Variants in ARMC3 observed in about 807,000 individuals in gnomAD.
ARMC3 encodes armadillo repeat containing 3.
In ARMC3, 74 loss-of-function variants were observed where a neutral mutation model predicts 90.3. That is an observed-to-expected ratio of 0.82 (90% CI 0.68 to 0.99). The LOEUF (loss-of-function observed/expected upper bound fraction) is 0.99. Among genes scored for constraint, ARMC3 ranks in the 50% least tolerant of loss-of-function variants. The pLI is 0.00. For synonymous variants in ARMC3, 334 were observed against 361.8 expected (o/e 0.92, Z 0.87); for missense variants, 958 against 1,042.8 (o/e 0.92, Z 1.12).
At position 23,008,353 on chromosome 10, in the gene ARMC3, G is replaced by T. The variant is rs549754305; in HGVS notation, c.1907G>T (p.Arg636Ile). ...ATTTCTTCTTCATCTTCCTTAAGAA[G>T]ATCAAGTAAAGAAAAGAACAAGTAA... ...RSISSSSSLR[R>I]SSKEKNKKNS... Residue 636 changes from arginine (R) to isoleucine (I), a missense_variant, in exon 15 of 19, where the codon AGA (arginine) becomes ATA (isoleucine). Coordinates refer to ENST00000298032, the MANE Select transcript of ARMC3 (RefSeq NM_173081.5). 3 of 1,503,924 alleles carry T rather than the reference G, an allele frequency of 2.0e-6. No individual in the cohort carries two copies. The highest frequency in any genetic ancestry group is 2.7e-6 in the Non-Finnish European group (3 of 1,097,272). The allele number at this position is 1,503,924 out of a possible 1,614,324, so 93.2% of individuals were successfully genotyped here. A position where few individuals can be genotyped will look rare whatever the true frequency, so the allele number is the denominator to read the frequency against.
rs1834518422 is a variant in ARMC3 at position 22,946,152 on chromosome 10, A to G, written c.57A>G (p.Pro19=). 2 of 1,607,174 alleles carry G rather than the reference A, an allele frequency of 1.2e-6. No individual in the cohort carries two copies. The highest frequency in any genetic ancestry group is 2.7e-5 in the African/African-American group (2 of 74,846). The change falls in exon 3 of 19, where the codon CCA becomes CCG. Residue 19 remains proline, a synonymous_variant. Transcript: ENST00000298032. ...VEPPPKDVFD[P]LMIESKKAAT... ...TTCTTTCTGCCTTTCAGTTTGACCC[A>G]TTAATGATTGAAAGCAAAAAAGCAG...
At position 23,030,611 on chromosome 10, in the gene ARMC3, A is replaced by T. The variant is rs1335338261; in HGVS notation, c.2061A>T (p.Lys687Asn). ...ACTTTCAAAGGAAAAGCAAAGGAAA[A>T]AAAGAAGAGGAAAAAGTGAAAGAGG... ...KEKGWRKSKG[K>N]KEEEKVKEEE... is the part of the protein sequence containing the mutation. Residue 687 changes from lysine (K) to asparagine (N), a missense_variant, in exon 17 of 19, where the codon AAA (lysine) becomes AAT (asparagine). By Grantham distance (94) the Lys-to-Asn change is moderately conservative. Coordinates refer to ENST00000298032, the MANE Select transcript of ARMC3 (RefSeq NM_173081.5). The T allele has an allele frequency of 6.2e-7, 1 of 1,612,866 alleles. No individual in the cohort carries two copies. The highest frequency in any genetic ancestry group is 2.2e-5 in the East Asian group (1 of 44,764).
intron 8 of ARMC3, among the ~76,000 whole-genome samples, chr10:22,975,708 G>C (rs954652797): frequency 1.3e-5 from 2 of 152,098 alleles, no homozygotes; most frequent in African/African-American, 4.8e-5. Flanking sequence ...GCCGAAATAT[G>C]TCTAAGTCCC....
chr10:22,967,082 G>A (rs781454408), intron 7 of ARMC3, among the ~76,000 whole-genome samples: 38 of 152,128 alleles, frequency 2.5e-4, no homozygotes, highest in Non-Finnish European at 2.1e-4. Flanking sequence ...TAGACCAGTA[G>A]GCTGAAGACC....
chr10:23,019,964 T>A (rs1332698713), intron 16 of ARMC3, among the ~76,000 whole-genome samples: 1 of 152,240 alleles, frequency 6.6e-6, no homozygotes, highest in African/African-American at 2.4e-5. Flanking sequence ...GTTTTGTGTA[T>A]CAGCAGTTTA....
At chr10:23,000,598 A>C (rs529460478) in intron 11 of ARMC3, among the ~76,000 whole-genome samples, 4 of 152,244 alleles carry the variant, frequency 2.6e-5, no homozygotes, top group Non-Finnish European at 5.9e-5. Context: ...TAAATGGAGG[A>C]ATTAATGAAT....
chr10:22,970,123 T>C (rs185765036), intron 8 of ARMC3, among the ~76,000 whole-genome samples: 178 of 152,272 alleles, frequency 1.2e-3, no homozygotes, highest in African/African-American at 4.1e-3. Context: ...TGATTAATGA[T>C]GGAAACACAG....
intron 16 of ARMC3, among the ~76,000 whole-genome samples, chr10:23,029,619 T>G (rs1838843761): frequency 6.6e-6 from 1 of 152,232 alleles, no homozygotes; most frequent in Non-Finnish European, 1.5e-5. Context: ...CATGCCAAAT[T>G]GATTAACATC....
At chr10:22,961,725 T>C (rs1269793359) in intron 6 of ARMC3, 159 bp from the exon 7 acceptor site, 1 of 603,380 alleles carries the variant, frequency 1.7e-6, no homozygotes, top group Non-Finnish European at 2.8e-6. Context: ...ATGTTGTCAA[T>C]TGAAAGATTT....
intron 16 of ARMC3, among the ~76,000 whole-genome samples, chr10:23,026,782 T>C (rs896641491): frequency 7.2e-5 from 11 of 152,204 alleles, no homozygotes; most frequent in African/African-American, 2.7e-4. Flanking sequence ...TGTAGGTTTA[T>C]GCCTCTACTA....
chr10:23,010,265 T>TTCCCATCCCTGTTCTTCTCTTCCC (rs1166914725), intron 16 of ARMC3, among the ~76,000 whole-genome samples: 3 of 140,570 alleles, frequency 2.1e-5, no homozygotes, highest in Non-Finnish European at 4.6e-5. Flanking sequence ...CTTCTCTTCC[T>TTCCCATCCCTGTTCTTCTCTTCCC]TTCCCTTCCC....
chr10:22,938,272 C>G (rs749955038), intron 2 of ARMC3, among the ~76,000 whole-genome samples: 10 of 152,016 alleles, frequency 6.6e-5, no homozygotes, highest in Non-Finnish European at 8.8e-5. Context: ...GTTGGTGTGA[C>G]AGGAGATTAG....
At chr10:22,971,392 T>C (rs1228481504) in intron 8 of ARMC3, among the ~76,000 whole-genome samples, 1 of 152,100 alleles carries the variant, frequency 6.6e-6, no homozygotes, top group Non-Finnish European at 1.5e-5. Context: ...TTATTTTGGA[T>C]ATATACCTAG....
intron 11 of ARMC3, among the ~76,000 whole-genome samples, 161 bp from the exon 12 acceptor site, chr10:23,001,758 G>GCAAACCTGA (rs1200545056): frequency 7.9e-5 from 12 of 152,150 alleles, no homozygotes; most frequent in African/African-American, 2.9e-4. Context: ...GTTTGCAATA[G>GCAAACCTGA]ATTTTTCACC....
intron 7 of ARMC3, among the ~76,000 whole-genome samples, chr10:22,963,726 C>CT (rs1171760587): frequency 6.6e-6 from 1 of 151,670 alleles, no homozygotes; most frequent in East Asian, 1.9e-4. Flanking sequence ...CCCGTCTCTA[C>CT]TAAAAATACA....
intron 12 of ARMC3, among the ~76,000 whole-genome samples, chr10:23,002,574 CTTTCTTTCTTTT>C (rs1271992435): frequency 1.8e-5 from 1 of 54,614 alleles, no homozygotes; most frequent in African/African-American, 6.8e-5. Context: ...TTCTTTCTTT[CTTTCTTTCTTTT>C]TCTTTCTTTT....
intron 2 of ARMC3, among the ~76,000 whole-genome samples, chr10:22,938,323 G>T (rs1286813357): frequency 6.6e-6 from 1 of 152,188 alleles, no homozygotes; most frequent in African/African-American, 2.4e-5. Context: ...TGGAGAGATG[G>T]TGGTGACCAC....
At chr10:22,941,896 C>T (rs1164362299) in intron 2 of ARMC3, among the ~76,000 whole-genome samples, 1 of 151,952 alleles carries the variant, frequency 6.6e-6, no homozygotes, top group East Asian at 1.9e-4. Context: ...GCAGTGAGGC[C>T]CTCTCAATTG....
intron 16 of ARMC3, among the ~76,000 whole-genome samples, chr10:23,009,926 C>T (rs1166879182): frequency 6.6e-6 from 1 of 152,188 alleles, no homozygotes; most frequent in Admixed American, 6.5e-5. Flanking sequence ...CTGTGGGGAA[C>T]AGATACCAGA....
Sources: allele counts gnomAD v4.1 joint callset (sites outside exome capture counted in the v4.1 genomes callset), GRCh38; gene constraint gnomAD v4.1.1; transcripts MANE v1.5; gene names NCBI Gene and HGNC (gene_info 2026-07-23, HGNC 2026-07-21).